Variants in FGF13 observed in about 807,000 individuals in gnomAD.
The protein encoded by FGF13 is fibroblast growth factor homologous factor 2.
A neutral mutation model predicts 19.5 loss-of-function variants in FGF13; 2 were observed. The observed-to-expected ratio is 0.10, with a 90% CI of 0.04 to 0.32. FGF13 has a LOEUF of 0.32. Among genes scored for constraint, FGF13 ranks in the 10% least tolerant of loss-of-function variants. FGF13 has a pLI of 1.00. For synonymous variants in FGF13, 72 were observed against 76.9 expected, an observed-to-expected ratio of 0.94 and a Z score of 0.33; for missense variants, 113 against 192.7, an observed-to-expected ratio of 0.59 and a Z score of 2.45.
intron 3 of FGF13, among the ~76,000 whole-genome samples, chrX:138,842,755 C>G (rs946249311): frequency 9.0e-6 from 1 of 110,785 alleles, no homozygotes; most frequent in Non-Finnish European, 1.9e-5. Flanking sequence ...AGGGATGCTG[C>G]TCAATATCCT....
intron 1 of FGF13, among the ~76,000 whole-genome samples, chrX:139,182,330 A>T (rs1456140768): frequency 6.2e-5 from 7 of 112,349 alleles, no homozygotes; most frequent in Non-Finnish European, 1.1e-4. Context: ...ATGAAACAGT[A>T]AAGCTCAGGG....
intron 1 of FGF13, among the ~76,000 whole-genome samples, chrX:138,998,326 C>A (rs1028808970): frequency 5.4e-5 from 6 of 111,297 alleles, no homozygotes; most frequent in Non-Finnish European, 1.1e-4. Flanking sequence ...CAAATTCACA[C>A]ATAACAATAT....
chrX:138,925,701 C>A (rs1482184183), intron 1 of FGF13, among the ~76,000 whole-genome samples: 4 of 111,470 alleles, frequency 3.6e-5, no homozygotes, highest in Admixed American at 2.9e-4. Flanking sequence ...CCACATCCCC[C>A]ACTGCTCCAA....
At chrX:138,649,177 T>G (rs945504149) in intron 3 of FGF13, among the ~76,000 whole-genome samples, 1 of 111,765 alleles carries the variant, frequency 8.9e-6, no homozygotes, top group Non-Finnish European at 1.9e-5. Context: ...CATTATAAGT[T>G]GCATCATTTA....
upstream of FGF13, among the ~76,000 whole-genome samples, chrX:138,715,503 T>C (rs1239693566): frequency 1.8e-5 from 2 of 112,647 alleles, no homozygotes; most frequent in Non-Finnish European, 3.7e-5. Context: ...TTCATCTGTT[T>C]TATATAGTGG....
At chrX:139,170,478 C>G (rs1042813188) in intron 1 of FGF13, among the ~76,000 whole-genome samples, 3 of 111,824 alleles carry the variant, frequency 2.7e-5, no homozygotes, top group African/African-American at 9.8e-5. Flanking sequence ...CTCTACATCA[C>G]AGTAATTGCC....
At chrX:139,117,033 A>G (rs1384728644) in intron 1 of FGF13, among the ~76,000 whole-genome samples, 1 of 111,386 alleles carries the variant, frequency 9.0e-6, no homozygotes, top group Admixed American at 9.6e-5. Flanking sequence ...ATTATCAACT[A>G]CCATTAACTG....
At chrX:138,769,137 A>G (rs780276548) in intron 3 of FGF13, among the ~76,000 whole-genome samples, 4 of 111,912 alleles carry the variant, frequency 3.6e-5, no homozygotes, top group Non-Finnish European at 5.6e-5. Flanking sequence ...CTTGGCAAGT[A>G]GGTATAAATG....
intron 1 of FGF13, among the ~76,000 whole-genome samples, chrX:138,992,733 C>T (rs746188534): frequency 9.0e-6 from 1 of 111,596 alleles, no homozygotes; most frequent in Admixed American, 9.5e-5. Flanking sequence ...TGGGCAAACA[C>T]CACAAAAGTG....
intron 3 of FGF13, among the ~76,000 whole-genome samples, chrX:138,838,044 C>A (rs1261398467): frequency 2.7e-5 from 3 of 112,194 alleles, no homozygotes; most frequent in African/African-American, 9.7e-5. Flanking sequence ...TAGGTTTAGA[C>A]TCTCCAAAGC....
chrX:138,870,420 C>G (rs2091351862), intron 1 of FGF13, among the ~76,000 whole-genome samples: 1 of 111,904 alleles, frequency 8.9e-6, no homozygotes, highest in Non-Finnish European at 1.9e-5. Context: ...AGATGAAGAG[C>G]TGATTCAAAG....
At chrX:138,991,865 C>T (rs1392719862) in intron 1 of FGF13, among the ~76,000 whole-genome samples, 1 of 111,714 alleles carries the variant, frequency 9.0e-6, no homozygotes, top group Non-Finnish European at 1.9e-5. Context: ...TGTATAACAT[C>T]TGTGCTAGAT....
chrX:138,913,182 C>CTTT lies in FGF13; in HGVS notation c.-112-48535_-112-48533dup, dbSNP rs35078012. The stretch of plus-strand genomic sequence containing the variant: ...TGCACCTGGAAAGAAAAAGCATCTA[C>CTTT]TTTTTTTTTTTTTTTTTTTTTTTTT... On this transcript the variant is annotated intron_variant, in intron 1 of 2. Transcript: ENST00000421460. Among the ~76,000 whole-genome samples the CTTT allele has an allele frequency of 8.9e-3, 329 of 37,087 alleles. 83 individuals carry two copies. Among genetic ancestry groups the CTTT allele is most frequent in the East Asian group, 0.029 (22 of 768 alleles). The allele number at this position is 37,087 out of a possible 115,157, so 32.2% of individuals were successfully genotyped here. A position where few individuals can be genotyped will look rare whatever the true frequency, so the allele number is the denominator to read the frequency against.
intron 3 of FGF13, among the ~76,000 whole-genome samples, chrX:138,641,604 T>G (rs1301090002): frequency 8.9e-6 from 1 of 112,159 alleles, no homozygotes; most frequent in Non-Finnish European, 1.9e-5. Context: ...ATCATGCCCA[T>G]AGGGGTGACA....
chrX:138,874,903 C>G (rs900624795), intron 1 of FGF13, among the ~76,000 whole-genome samples: 1 of 111,572 alleles, frequency 9.0e-6, no homozygotes, highest in Admixed American at 9.5e-5. Flanking sequence ...AGCCTCGGGC[C>G]TCTCTCTGTA....
chrX:138,774,774 C>A (rs916733451), intron 3 of FGF13, among the ~76,000 whole-genome samples: 1 of 111,507 alleles, frequency 9.0e-6, no homozygotes, highest in African/African-American at 3.3e-5. Context: ...CTATCATATA[C>A]CCAGAATAAA....
At chrX:139,103,161 T>C (rs1469900357) in intron 1 of FGF13, among the ~76,000 whole-genome samples, 1 of 111,938 alleles carries the variant, frequency 8.9e-6, no homozygotes, top group Non-Finnish European at 1.9e-5. Flanking sequence ...TGACTTCTAA[T>C]TGGAGGGAAG....
intron 3 of FGF13, among the ~76,000 whole-genome samples, chrX:138,777,800 T>C (rs2090599828): frequency 9.0e-6 from 1 of 110,634 alleles, no homozygotes; most frequent in African/African-American, 3.3e-5. Flanking sequence ...TTGCTAAAAA[T>C]ACAAGATTTA....
At chrX:138,771,842 T>G (rs780801511) in intron 3 of FGF13, among the ~76,000 whole-genome samples, 216 of 109,483 alleles carry the variant, frequency 2.0e-3, no homozygotes, top group African/African-American at 6.8e-3. Flanking sequence ...CCATTTGAAG[T>G]GAAAAAGAGT....
Sources: allele counts gnomAD v4.1 joint callset (sites outside exome capture counted in the v4.1 genomes callset), GRCh38; gene constraint gnomAD v4.1.1; transcripts MANE v1.5; gene names NCBI Gene and HGNC (gene_info 2026-07-23, HGNC 2026-07-21).